TRABD2B: variants seen among roughly 807,000 people sequenced by gnomAD.
TRABD2B encodes the protein metalloprotease TIKI2.
Under a neutral mutation model 40.1 loss-of-function variants are expected in TRABD2B, and 14 were observed. That is an observed-to-expected ratio of 0.35 (90% CI 0.23 to 0.55). The LOEUF (loss-of-function observed/expected upper bound fraction) is 0.55, where lower values mean the gene tolerates loss of function less well. Among genes scored for constraint, TRABD2B ranks in the 20% least tolerant of loss-of-function variants. The pLI is 0.90. For missense variants in TRABD2B, 541 were observed against 648.6 expected (o/e 0.83, Z 1.80); for synonymous variants, 263 against 277.0 (o/e 0.95, Z 0.50).
Position 47,994,730 on chromosome 1 carries a change from A to C in TRABD2B, c.103-133T>G. On this transcript the variant is annotated intron_variant, in intron 1 of 6. Transcript: ENST00000606738. The surrounding 1 kb of genome is among the most constrained non-coding windows in gnomAD (Gnocchi z 6.7). ...CATACACAGGCCGTGGTAAAGAGCC[A>C]GGTCTTTGGAGCCTGAAAGACCCAC... The C allele has an allele frequency of 1.3e-6, 1 of 762,808 alleles. No homozygotes were observed. The allele number at this position is 762,808 out of a possible 1,614,324, so 47.3% of individuals were successfully genotyped here. A position where few individuals can be genotyped will look rare whatever the true frequency, so the allele number is the denominator to read the frequency against.
intron 2 of TRABD2B, among the ~76,000 whole-genome samples, chr1:47,883,394 T>A (rs1425045549): frequency 6.6e-6 from 1 of 152,222 alleles, no homozygotes; most frequent in African/African-American, 2.4e-5. Context: ...TCAGTCATCA[T>A]CAGAATTTTA....
intron 2 of TRABD2B, among the ~76,000 whole-genome samples, chr1:47,815,048 G>A (rs1188341650): frequency 6.6e-6 from 1 of 152,198 alleles, no homozygotes; most frequent in Admixed American, 6.5e-5. Flanking sequence ...AGCAAGCCAG[G>A]GGATGCAGAA....
At chr1:47,767,233 C>T (rs1484074676) in intron 6 of TRABD2B, among the ~76,000 whole-genome samples, 1 of 152,164 alleles carries the variant, frequency 6.6e-6, no homozygotes, top group African/African-American at 2.4e-5. Flanking sequence ...TCGAGGAACC[C>T]TGAGCAGGCA....
At chr1:47,964,269 GA>G in intron 2 of TRABD2B, among the ~76,000 whole-genome samples, 1 of 152,308 alleles carries the variant, frequency 6.6e-6, no homozygotes, top group Admixed American at 6.5e-5. Context: ...AGGGGTCAAG[GA>G]GGTTCCCTGA....
intron 2 of TRABD2B, among the ~76,000 whole-genome samples, chr1:47,910,450 C>T (rs138600240): frequency 5.3e-5 from 8 of 152,220 alleles, no homozygotes; most frequent in East Asian, 3.9e-4. Context: ...ATTTGCTGAA[C>T]GGAAACAGTC....
At chr1:47,767,859 G>A (rs1644326295) in intron 6 of TRABD2B, among the ~76,000 whole-genome samples, 3 of 152,226 alleles carry the variant, frequency 2.0e-5, no homozygotes, top group Admixed American at 2.0e-4. Context: ...CTAACAGCTG[G>A]CCATAATCAC....
chr1:47,887,095 G>A (rs1644380598), intron 2 of TRABD2B, among the ~76,000 whole-genome samples: 4 of 152,178 alleles, frequency 2.6e-5, no homozygotes. Flanking sequence ...TCTACAACTT[G>A]AGTGTGGCTT....
Position 47,813,670 on chromosome 1 carries a change from A to G in TRABD2B, c.667-12051T>C, listed in dbSNP as rs1248605567. Among the ~76,000 whole-genome samples, 1 of 152,092 alleles carries G rather than the reference A, an allele frequency of 6.6e-6. No individual in the cohort carries two copies. The highest frequency in any genetic ancestry group is 2.4e-5 in the African/African-American group (1 of 41,410). On this transcript the variant is annotated intron_variant, in intron 2 of 6. Transcript: ENST00000606738. This position sits in a 1 kb window ranked among gnomAD's most constrained non-coding sequence, Gnocchi z 4.3. ...CATTCTAAAAACCTTGTAAAGCAAT[A>G]TTGCCCTTCCTTAGGACACATACCC...
At position 47,996,678 on chromosome 1, in the gene TRABD2B, G is replaced by A. The variant is rs1646097082; in HGVS notation, c.102+10C>T. On this transcript the variant is annotated intron_variant, in intron 1 of 6. Coordinates refer to ENST00000606738, the MANE Select transcript of TRABD2B (RefSeq NM_001194986.2). This position sits in a 1 kb window ranked among gnomAD's most constrained non-coding sequence, Gnocchi z 4.6. ...CAGGCGGGAGAGTGGCCGGGCAGGC[G>A]CTCGCTCACCGATCCGGGCGGCCGG... is the stretch of plus-strand genomic sequence containing the variant. 1.6e-6 allele frequency: 2 copies of A among 1,228,898 alleles called. No individual in the cohort carries two copies. Among genetic ancestry groups the A allele is most frequent in the East Asian group, 3.2e-5 (1 of 31,312 alleles). 76.1% of individuals were successfully genotyped at this position (1,228,898 alleles called of 1,614,324 possible).
chr1:47,826,845 T>C (rs1005893510), intron 2 of TRABD2B, among the ~76,000 whole-genome samples: 1 of 152,202 alleles, frequency 6.6e-6, no homozygotes, highest in African/African-American at 2.4e-5. Flanking sequence ...AGGGTCAGGA[T>C]TACAGGTGTG....
Position 47,801,477 on chromosome 1 carries a change from G to A in TRABD2B, c.809C>T (p.Ser270Phe). ...GTCTTTGGAGAGGAGCCTCACCTGG[G>A]ATGTGTCGTGGTTGAAGATGACTGC... Reference protein sequence around the residue: ...LSAVIFNHDTSQLPNFINTTL... With the variant: ...LSAVIFNHDTFQLPNFINTTL... Residue 270 changes from serine (S) to phenylalanine (F), a missense_variant, in exon 3 of 7, where the codon TCC (serine) becomes TTC (phenylalanine). Ser to Phe is a radical substitution (Grantham distance 155, BLOSUM62 -2). Coordinates refer to ENST00000606738, the MANE Select transcript of TRABD2B (RefSeq NM_001194986.2). 1 of 1,535,974 alleles carries A rather than the reference G, an allele frequency of 6.5e-7. No individual in the cohort carries two copies. The highest frequency in any genetic ancestry group is 8.7e-7 in the Non-Finnish European group (1 of 1,146,796).
chr1:47,796,144 C>T (rs1644745441), intron 3 of TRABD2B, among the ~76,000 whole-genome samples: 1 of 152,212 alleles, frequency 6.6e-6, no homozygotes, highest in African/African-American at 2.4e-5. Context: ...GGATAACAGG[C>T]CCAGGTGCTC....
chr1:47,987,486 G>C (rs141766768), intron 2 of TRABD2B, among the ~76,000 whole-genome samples: 66 of 152,230 alleles, frequency 4.3e-4, no homozygotes, highest in African/African-American at 1.6e-3. Flanking sequence ...CCAATTCTGA[G>C]ACTAGAATAT....
intron 2 of TRABD2B, among the ~76,000 whole-genome samples, chr1:47,886,663 C>T (rs568361770): frequency 6.6e-6 from 1 of 152,318 alleles, no homozygotes; most frequent in East Asian, 1.9e-4. Context: ...TTCATTCATT[C>T]ATTCTTCTAT....
intron 2 of TRABD2B, among the ~76,000 whole-genome samples, chr1:47,825,091 G>A (rs562761151): frequency 6.6e-6 from 1 of 152,336 alleles, no homozygotes; most frequent in Non-Finnish European, 1.5e-5. Flanking sequence ...TGTGGGAGGA[G>A]CAGGGACTGG....
chr1:47,833,954 A>G (rs1015092144), intron 2 of TRABD2B, among the ~76,000 whole-genome samples: 3 of 152,220 alleles, frequency 2.0e-5, no homozygotes, highest in Non-Finnish European at 2.9e-5. Flanking sequence ...AAAAACAGTA[A>G]GCTTTGTGGC....
chr1:47,775,280 G>A lies in TRABD2B; in HGVS notation c.1239C>T (p.Asp413=). The stretch of plus-strand genomic sequence containing the variant: ...CAAACTCCTCCAGCTGGCTGAGGCT[G>A]TCGGGGAGCAGGAGGTGTGGGGACA... The part of the protein sequence containing the change: ...PALSPHLLLP[D]SLSQLEEFGR... The change falls in exon 6 of 7, where the codon GAC becomes GAT. Residue 413 remains aspartate, a synonymous_variant. Transcript: ENST00000606738. The A allele has an allele frequency of 1.6e-6, 2 of 1,257,648 alleles. No individual in the cohort carries two copies. Among genetic ancestry groups the A allele is most frequent in the Non-Finnish European group, 2.0e-6 (2 of 998,356 alleles). 77.9% of individuals were successfully genotyped at this position (1,257,648 alleles called of 1,614,324 possible).
chr1:47,857,920 T>C (rs978445378), intron 2 of TRABD2B, among the ~76,000 whole-genome samples: 2 of 120,010 alleles, frequency 1.7e-5, no homozygotes, highest in African/African-American at 6.5e-5. Context: ...AGTTTCACTT[T>C]CCATGGTTTC....
Position 47,881,685 on chromosome 1 carries a change from C to T in TRABD2B, c.667-80066G>A, listed in dbSNP as rs578129519. Among the ~76,000 whole-genome samples, 7 of 152,274 alleles carry T rather than the reference C, an allele frequency of 4.6e-5. No individual in the cohort carries two copies. In the South Asian group the frequency reaches 1.5e-3, roughly 32 times the overall value. On this transcript the variant is annotated intron_variant, in intron 2 of 6. Coordinates refer to ENST00000606738, the MANE Select transcript of TRABD2B (RefSeq NM_001194986.2). ...GGTATGTGACCAGGTGCTTGGGTGACTGTGTTCTCATGGGCTCTGAAAGCA... is the reference window on the plus strand; with the variant it reads ...GGTATGTGACCAGGTGCTTGGGTGATTGTGTTCTCATGGGCTCTGAAAGCA...
Sources: allele counts gnomAD v4.1 joint callset (sites outside exome capture counted in the v4.1 genomes callset), GRCh38; gene constraint gnomAD v4.1.1; non-coding constraint Gnocchi (gnomAD v3.1); transcripts MANE v1.5; gene names NCBI Gene and HGNC (gene_info 2026-07-23, HGNC 2026-07-21).